The following METTL15 variants were observed in gnomAD, a reference collection of about 807,000 sequenced individuals.
The protein encoded by METTL15 is methyltransferase 15, mitochondrial 12S rRNA N4-cytidine.
Under a neutral mutation model 38.3 loss-of-function variants are expected in METTL15, and 34 were observed. The ratio of observed to expected loss-of-function variants is 0.89; its 90% confidence interval spans 0.68 to 1.18. METTL15 has a LOEUF of 1.18. METTL15 is among the 50% of genes most tolerant of loss of function. The pLI, the probability that METTL15 is intolerant of heterozygous loss-of-function variation, is 0.00. For missense variants in METTL15, 438 were observed against 498.4 expected (o/e 0.88, Z 1.15); for synonymous variants, 162 against 170.9 (o/e 0.95, Z 0.41).
intron 4 of METTL15, among the ~76,000 whole-genome samples, chr11:28,241,390 T>C (rs187603735): frequency 2.5e-4 from 38 of 151,726 alleles, no homozygotes; most frequent in African/African-American, 8.7e-4. Context: ...AAAAATTAGC[T>C]GGGCATGGTG....
At chr11:28,209,142 A>G (rs1852509385) in intron 3 of METTL15, among the ~76,000 whole-genome samples, 1 of 152,008 alleles carries the variant, frequency 6.6e-6, no homozygotes, top group African/African-American at 2.4e-5. Context: ...TTTTCAGAAT[A>G]TTGCTAATGA....
At chr11:28,416,688 T>G (rs1026336422) in intron 5 of METTL15, among the ~76,000 whole-genome samples, 9 of 152,196 alleles carry the variant, frequency 5.9e-5, no homozygotes, top group Non-Finnish European at 1.2e-4. Context: ...TTTGCTCTTT[T>G]GTAGCTCTGA....
intron 3 of METTL15, among the ~76,000 whole-genome samples, chr11:28,348,915 G>A (rs1227554470): frequency 1.3e-5 from 2 of 152,002 alleles, no homozygotes; most frequent in Non-Finnish European, 2.9e-5. Context: ...AGGTGTTCCA[G>A]GCTCATCACA....
At chr11:28,514,613 G>A (rs1229733268) in intron 6 of METTL15, among the ~76,000 whole-genome samples, 1 of 152,164 alleles carries the variant, frequency 6.6e-6, no homozygotes, top group African/African-American at 2.4e-5. Flanking sequence ...TCCTTTAGTT[G>A]TCAGAGGACA....
intron 6 of METTL15, chr11:28,516,990 C>T (rs1409658360): frequency 6.6e-6 from 1 of 152,222 alleles, no homozygotes; most frequent in Admixed American, 6.5e-5. Flanking sequence ...GACAGCGATC[C>T]AGTTAGACCA....
At chr11:28,360,768 A>G (rs1850130383) in intron 4 of METTL15, among the ~76,000 whole-genome samples, 1 of 150,896 alleles carries the variant, frequency 6.6e-6, no homozygotes, top group African/African-American at 2.4e-5. Flanking sequence ...TTAACTCGTC[A>G]TTTAGCATTA....
At chr11:28,292,357 C>T (rs1856551445) in intron 5 of METTL15, among the ~76,000 whole-genome samples, 1 of 151,892 alleles carries the variant, frequency 6.6e-6, no homozygotes, top group African/African-American at 2.4e-5. Flanking sequence ...TGATTTCCAG[C>T]TTCATCCATG....
intron 3 of METTL15, chr11:28,124,057 A>G (rs1852365039): frequency 2.3e-6 from 1 of 427,486 alleles, no homozygotes; most frequent in Non-Finnish European, 4.1e-6. Flanking sequence ...GTTTTGTGCA[A>G]AGTATCATGT....
chr11:28,150,400 A>G (rs1850039598), intron 3 of METTL15, among the ~76,000 whole-genome samples: 1 of 151,896 alleles, frequency 6.6e-6, no homozygotes, highest in African/African-American at 2.4e-5. Context: ...GAAAAAAGGA[A>G]TTGGACTGAT....
intron 4 of METTL15, among the ~76,000 whole-genome samples, chr11:28,266,047 A>T (rs1310663098): frequency 6.6e-6 from 1 of 152,158 alleles, no homozygotes; most frequent in African/African-American, 2.4e-5. Flanking sequence ...CCTATGAGTG[A>T]GTCAGGAAAC....
intron 6 of METTL15, among the ~76,000 whole-genome samples, chr11:28,427,422 T>C (rs547934294): frequency 1.3e-5 from 2 of 152,328 alleles, no homozygotes; most frequent in South Asian, 2.1e-4. Context: ...TCTGGGCTTT[T>C]TTTGGTTCCA....
chr11:28,159,584 G>A (rs146342373), intron 3 of METTL15, among the ~76,000 whole-genome samples: 174 of 152,278 alleles, frequency 1.1e-3, no homozygotes, highest in African/African-American at 2.4e-3. Flanking sequence ...TAATTATCAT[G>A]AGTCTTTCCC....
intron 4 of METTL15, among the ~76,000 whole-genome samples, chr11:28,269,178 T>C (rs1199125804): frequency 6.6e-6 from 1 of 152,220 alleles, no homozygotes; most frequent in African/African-American, 2.4e-5. Flanking sequence ...TCAGAGTAGC[T>C]ATTTATTCTA....
At chr11:28,178,340 A>T (rs1851153879) in intron 3 of METTL15, among the ~76,000 whole-genome samples, 2 of 151,984 alleles carry the variant, frequency 1.3e-5, no homozygotes, top group South Asian at 4.1e-4. Context: ...TATTTTAACA[A>T]TTCGCTGCTA....
intron 2 of METTL15, among the ~76,000 whole-genome samples, chr11:28,110,960 T>G (rs1383405976): frequency 1.3e-5 from 2 of 152,174 alleles, no homozygotes; most frequent in African/African-American, 4.8e-5. Flanking sequence ...TTAAATCATT[T>G]AGGGTAGCTG....
chr11:28,130,461 G>A (rs1052104502), intron 3 of METTL15, among the ~76,000 whole-genome samples: 3 of 152,100 alleles, frequency 2.0e-5, no homozygotes, highest in Admixed American at 6.6e-5. Flanking sequence ...GAAAAAATAA[G>A]TGTTATAAGA....
intron 4 of METTL15, among the ~76,000 whole-genome samples, chr11:28,358,324 G>C (rs192276237): frequency 3.9e-5 from 6 of 152,284 alleles, no homozygotes. Flanking sequence ...CTGGACTTCT[G>C]TCCTACTGAA....
chr11:28,403,411 T>A (rs947037973), intron 5 of METTL15, among the ~76,000 whole-genome samples: 7 of 152,068 alleles, frequency 4.6e-5, no homozygotes, highest in African/African-American at 1.7e-4. Flanking sequence ...TACTAAATAC[T>A]AAATCAGTAT....
chr11:28,467,489 A>G (rs1851266786), intron 6 of METTL15, among the ~76,000 whole-genome samples: 1 of 152,122 alleles, frequency 6.6e-6, no homozygotes, highest in African/African-American at 2.4e-5. Context: ...CTGCTGTCTA[A>G]CTTATTCTCA....
Sources: allele counts gnomAD v4.1 joint callset (sites outside exome capture counted in the v4.1 genomes callset), GRCh38; gene constraint gnomAD v4.1.1; transcripts MANE v1.5; gene names NCBI Gene and HGNC (gene_info 2026-07-23, HGNC 2026-07-21).